POU6F2: variants seen among roughly 807,000 people sequenced by gnomAD.
The protein encoded by POU6F2 is POU domain, class 6, transcription factor 2.
Under a neutral mutation model 71.3 loss-of-function variants are expected in POU6F2, and 31 were observed. That is an observed-to-expected ratio of 0.43 (90% confidence interval 0.33 to 0.59). POU6F2 has a LOEUF of 0.59. Ranked by LOEUF, POU6F2 falls within the 20% of genes least tolerant of loss-of-function variation. The pLI, the probability that POU6F2 is intolerant of heterozygous loss-of-function variation, is 0.04. For synonymous variants in POU6F2, 347 were observed against 355.7 expected (o/e 0.98, Z 0.27); for missense variants, 783 against 856.8 (o/e 0.91, Z 1.07).
At chr7:39,148,457 G>T (rs896500644) in intron 2 of POU6F2, among the ~76,000 whole-genome samples, 1 of 152,084 alleles carries the variant, frequency 6.6e-6, no homozygotes, top group Non-Finnish European at 1.5e-5. Context: ...TATTCCTTGG[G>T]TTGACACTGA....
chr7:39,365,011 G>A (rs965573572), intron 5 of POU6F2, among the ~76,000 whole-genome samples: 1 of 152,060 alleles, frequency 6.6e-6, no homozygotes, highest in Non-Finnish European at 1.5e-5. Flanking sequence ...GCATTTCCTT[G>A]ATCATTAATG....
chr7:39,398,000 T>C (rs186102005), intron 5 of POU6F2, among the ~76,000 whole-genome samples: 1,828 of 151,900 alleles, frequency 0.012, 46 homozygotes, highest in African/African-American at 0.039. Flanking sequence ...TTTTGTATTT[T>C]AGCAGAGTTA....
chr7:39,101,760 T>C (rs1282709565), intron 2 of POU6F2, among the ~76,000 whole-genome samples: 2 of 152,232 alleles, frequency 1.3e-5, no homozygotes, highest in African/African-American at 4.8e-5. Flanking sequence ...TGTGGTATGA[T>C]GGATGTGTTC....
intron 4 of POU6F2, among the ~76,000 whole-genome samples, chr7:39,274,595 C>CA (rs1309218299): frequency 7.7e-6 from 1 of 130,018 alleles, no homozygotes; most frequent in East Asian, 2.2e-4. Flanking sequence ...GAGACACAAC[C>CA]AAAAAAGAGA....
chr7:39,426,498 T>C (rs1185656923), intron 6 of POU6F2, among the ~76,000 whole-genome samples: 1 of 152,142 alleles, frequency 6.6e-6, no homozygotes, highest in African/African-American at 2.4e-5. Context: ...TCCTTACTCC[T>C]GCTATCATGG....
At chr7:39,236,448 G>C (rs972147928) in intron 4 of POU6F2, among the ~76,000 whole-genome samples, 1 of 152,066 alleles carries the variant, frequency 6.6e-6, no homozygotes, top group African/African-American at 2.4e-5. Context: ...GTTTGAAATA[G>C]TTAAAGCATC....
In POU6F2 at chr7:39,465,355, C is replaced by G. The variant is rs919052408; in HGVS notation, c.*669C>G. 1.3e-5 allele frequency: 2 copies of G among 152,242 alleles called. No homozygotes were observed. The highest frequency in any genetic ancestry group is 4.8e-5 in the African/African-American group (2 of 41,442). 9.4% of individuals were successfully genotyped at this position (152,242 alleles called of 1,614,324 possible). A position where few individuals can be genotyped will look rare whatever the true frequency, so the allele number is the denominator to read the frequency against. Reference sequence around the variant, plus strand: ...ATCTTTCCCATCTACTGTCTCCACCCATGGGGTGGGTACCATTGTTGAAGC... The same window carrying G: ...ATCTTTCCCATCTACTGTCTCCACCGATGGGGTGGGTACCATTGTTGAAGC... On this transcript the variant is annotated 3_prime_UTR_variant, in exon 10 of 10. Coordinates refer to ENST00000518318, the MANE Select transcript of POU6F2 (RefSeq NM_001370959.1).
intron 1 of POU6F2, among the ~76,000 whole-genome samples, chr7:39,047,655 G>A (rs1790318683): frequency 1.3e-5 from 2 of 151,710 alleles, no homozygotes. Flanking sequence ...AAAAAAAATT[G>A]TTTTTGACCA....
intron 2 of POU6F2, among the ~76,000 whole-genome samples, chr7:39,087,196 A>G (rs1791272621): frequency 7.0e-6 from 1 of 143,616 alleles, no homozygotes; most frequent in Non-Finnish European, 1.5e-5. Context: ...TTATTTATTT[A>G]TTTTAACCGA....
intron 5 of POU6F2, among the ~76,000 whole-genome samples, chr7:39,405,626 T>C (rs1326168590): frequency 6.6e-6 from 1 of 152,160 alleles, no homozygotes; most frequent in Non-Finnish European, 1.5e-5. Flanking sequence ...TCAAAACCAA[T>C]ACTGTGAAAA....
chr7:39,027,323 A>C, intron 1 of POU6F2, among the ~76,000 whole-genome samples: 1 of 152,232 alleles, frequency 6.6e-6, no homozygotes, highest in South Asian at 2.1e-4. Context: ...TTCTTTAAAA[A>C]CACTCACTAG....
chr7:38,999,045 G>T (rs764682732), intron 1 of POU6F2, among the ~76,000 whole-genome samples: 1 of 152,080 alleles, frequency 6.6e-6, no homozygotes, highest in Non-Finnish European at 1.5e-5. Context: ...TATGCTTAAT[G>T]ACTCAACAGT....
rs968776613 is a variant in POU6F2, at chr7:39,098,991, G to A, written c.277+12960G>A. Among the ~76,000 whole-genome samples the A allele has an allele frequency of 1.2e-4, 19 of 152,228 alleles. 1 individual carries two copies. Among genetic ancestry groups the A allele is most frequent in the Admixed American group, 7.2e-4 (11 of 15,270 alleles). On this transcript the variant is annotated intron_variant, in intron 2 of 9. Coordinates refer to ENST00000518318, the MANE Select transcript of POU6F2 (RefSeq NM_001370959.1). ...CCTCCTGATCAAAGAAAGGTTCTGG[G>A]GATCTTTGCTTCCTAATGGCAACAC... is the stretch of plus-strand genomic sequence containing the variant.
Position 39,340,024 on chromosome 7 carries a change from C to T in POU6F2, c.972+9C>T. The T allele has an allele frequency of 6.3e-7, 1 of 1,589,400 alleles. No individual in the cohort carries two copies. Among genetic ancestry groups the T allele is most frequent in the South Asian group, 1.1e-5 (1 of 88,208 alleles). On this transcript the variant is annotated intron_variant, in intron 5 of 9. Transcript: ENST00000518318. ...CACCCAATCCTCTACAGGTATGCTC[C>T]CCGTGCTTCCCGTCTGCCCCTAGGA...
At chr7:39,247,071 T>G (rs1157498520) in intron 4 of POU6F2, among the ~76,000 whole-genome samples, 1 of 152,078 alleles carries the variant, frequency 6.6e-6, no homozygotes, top group African/African-American at 2.4e-5. Context: ...AAGTCTTCAG[T>G]GCTCCTGATG....
At chr7:39,201,702 G>A (rs1793907098) in intron 2 of POU6F2, among the ~76,000 whole-genome samples, 1 of 152,270 alleles carries the variant, frequency 6.6e-6, no homozygotes, top group East Asian at 1.9e-4. Context: ...ACCCATTCAA[G>A]TTTGTGTTTT....
At chr7:39,336,527 G>A (rs534938310) in intron 4 of POU6F2, among the ~76,000 whole-genome samples, 15 of 152,346 alleles carry the variant, frequency 9.8e-5, no homozygotes, top group Admixed American at 9.1e-4. Flanking sequence ...GATGGGTTTG[G>A]ATAAGCATTA....
intron 1 of POU6F2, among the ~76,000 whole-genome samples, chr7:38,986,089 T>C (rs1788458374): frequency 6.6e-6 from 1 of 152,166 alleles, no homozygotes; most frequent in Admixed American, 6.5e-5. Flanking sequence ...ATTTTGGGAA[T>C]ACTTGACTAT....
chr7:39,217,339 G>C (rs1289311283), intron 4 of POU6F2, among the ~76,000 whole-genome samples: 1 of 152,160 alleles, frequency 6.6e-6, no homozygotes, highest in Non-Finnish European at 1.5e-5. Flanking sequence ...GGGAGTGGGT[G>C]GGTGGGGATG....
Sources: allele counts gnomAD v4.1 joint callset (sites outside exome capture counted in the v4.1 genomes callset), GRCh38; gene constraint gnomAD v4.1.1; transcripts MANE v1.5; gene names NCBI Gene and HGNC (gene_info 2026-07-23, HGNC 2026-07-21).